HIVEP2: variants seen among roughly 807,000 people sequenced by gnomAD.
HIVEP2 encodes the protein transcription factor HIVEP2.
HIVEP2 carries 14 observed loss-of-function variants against 180.7 expected under a neutral mutation model. The observed-to-expected ratio is 0.08, with a 90% CI of 0.05 to 0.12. HIVEP2 has a LOEUF of 0.12. HIVEP2 is among the 10% of genes least tolerant of loss of function. The pLI, the probability that HIVEP2 is intolerant of heterozygous loss-of-function variation, is 1.00. For synonymous variants in HIVEP2, 1,184 were observed against 1,136.4 expected (o/e 1.04, Z -0.84); for missense variants, 2,579 against 3,008.5 (o/e 0.86, Z 3.34).
intron 9 of HIVEP2, among the ~76,000 whole-genome samples, chr6:142,755,489 A>C (rs1775042231): frequency 6.6e-6 from 1 of 152,220 alleles, no homozygotes; most frequent in Admixed American, 6.5e-5. Context: ...CACAGATTCA[A>C]AGTTTAAAAT....
chr6:142,912,642 C>T lies in HIVEP2; in HGVS notation c.-641+32457G>A, dbSNP rs147147006. Among the ~76,000 whole-genome samples, 13 of 152,356 alleles carry T rather than the reference C, an allele frequency of 8.5e-5. No individual in the cohort carries two copies. The East Asian group carries it at 2.3e-3, about 27-fold the overall frequency. The stretch of plus-strand genomic sequence containing the variant: ...GCCTGAGCTCCACCTCCTATCAGAG[C>T]AGCGGTAGCATTAGATTCTCATAGG... On this transcript the variant is annotated intron_variant, in intron 1 of 9. Coordinates refer to ENST00000367603, the MANE Select transcript of HIVEP2 (RefSeq NM_006734.4).
At chr6:142,842,821 A>C (rs956822073) in intron 1 of HIVEP2, among the ~76,000 whole-genome samples, 3 of 152,130 alleles carry the variant, frequency 2.0e-5, no homozygotes, top group African/African-American at 7.2e-5. Flanking sequence ...AGGCCATTTA[A>C]AGAGATATTA....
At chr6:142,849,998 C>T (rs1258846025) in intron 1 of HIVEP2, among the ~76,000 whole-genome samples, 1 of 152,164 alleles carries the variant, frequency 6.6e-6, no homozygotes, top group Non-Finnish European at 1.5e-5. Flanking sequence ...CAGAGTCAGA[C>T]ACAAATCAGG....
chr6:142,884,154 C>T (rs1776641400), intron 1 of HIVEP2, among the ~76,000 whole-genome samples: 1 of 152,058 alleles, frequency 6.6e-6, no homozygotes, highest in African/African-American at 2.4e-5. Context: ...TCCACTAGGG[C>T]TTTTTTATCC....
intron 1 of HIVEP2, among the ~76,000 whole-genome samples, chr6:142,846,389 TCTAA>T (rs1775517895): frequency 6.6e-6 from 1 of 152,200 alleles, no homozygotes; most frequent in South Asian, 2.1e-4. Flanking sequence ...GCGGCCACTG[TCTAA>T]CACAATACAG....
chr6:142,763,433 G>C (rs917511971), intron 7 of HIVEP2, among the ~76,000 whole-genome samples: 3 of 152,160 alleles, frequency 2.0e-5, no homozygotes, highest in African/African-American at 7.2e-5. Context: ...AAGATTCTGA[G>C]ACATTTGCAC....
Position 142,773,899 on chromosome 6 carries a change from G to T in HIVEP2, c.840C>A (p.Asp280Glu). The T allele has an allele frequency of 4.3e-6, 7 of 1,613,846 alleles. No individual in the cohort carries two copies. The highest frequency in any genetic ancestry group is 1.1e-5 in the South Asian group (1 of 91,086). ...CAAATAAAGAACTCTCCTCATCTGT[G>T]TCTGTACTCTGTTCACCATCTGAAT... is the stretch of plus-strand genomic sequence containing the variant. ...EIHSDGEQST[D>E]TDEESSLFAE... The change falls in exon 5 of 10, where the codon GAC (aspartate) becomes GAA (glutamate). Residue 280 changes from aspartate (D) to glutamate (E), a missense_variant. Physicochemically the swap from Asp to Glu is conservative, Grantham distance 45 (BLOSUM62 2). Coordinates refer to ENST00000367603, the MANE Select transcript of HIVEP2 (RefSeq NM_006734.4).
chr6:142,907,919 T>C (rs1480016073), intron 1 of HIVEP2, among the ~76,000 whole-genome samples: 1 of 152,226 alleles, frequency 6.6e-6, no homozygotes, highest in Non-Finnish European at 1.5e-5. Flanking sequence ...ATCTTTCATC[T>C]TCTGAAATTT....
At chr6:142,860,700 A>G (rs1443748598) in intron 1 of HIVEP2, among the ~76,000 whole-genome samples, 1 of 152,166 alleles carries the variant, frequency 6.6e-6, no homozygotes. Context: ...CACTGCTGAT[A>G]TGACAGGAGG....
chr6:142,772,415 T>G lies in HIVEP2; in HGVS notation c.2324A>C (p.Glu775Ala), dbSNP rs1775571941. The G allele has an allele frequency of 6.2e-7, 1 of 1,614,232 alleles. No individual in the cohort carries two copies. Among genetic ancestry groups the G allele is most frequent in the African/African-American group, 1.3e-5 (1 of 75,060 alleles). ...TGAATCAATGGCTGAAGGTGACTCC[T>G]CTGACACAAGAGATGGACTTCCAGG... is the stretch of plus-strand genomic sequence containing the variant. ...LQPGSPSLVS[E>A]ESPSAIDSDK... The change falls in exon 5 of 10, where the codon GAG becomes GCG. Residue 775 changes from glutamate to alanine, a missense_variant. Coordinates refer to ENST00000367603, the MANE Select transcript of HIVEP2 (RefSeq NM_006734.4). The surrounding 1 kb of genome is among the most constrained non-coding windows in gnomAD (Gnocchi z 4.9).
chr6:142,769,606 A>G lies in HIVEP2; in HGVS notation c.5133T>C (p.His1711=). ...ATGTAAGCTTGCCGGTTCCAGGCCT[A>G]TGCATAGCAGCCAGAGTATAAATTT... ...TAEIYTLAAM[H]RPGTGKLTSS... is the part of the protein sequence containing the mutation. Residue 1711 remains histidine (H), a synonymous_variant, in exon 5 of 10, where the codon CAT becomes CAC. Coordinates refer to ENST00000367603, the MANE Select transcript of HIVEP2 (RefSeq NM_006734.4). The G allele has an allele frequency of 6.2e-7, 1 of 1,614,214 alleles. No individual in the cohort carries two copies. Among genetic ancestry groups the G allele is most frequent in the Non-Finnish European group, 8.5e-7 (1 of 1,180,028 alleles).
chr6:142,915,063 A>G (rs369341757), intron 1 of HIVEP2, among the ~76,000 whole-genome samples: 1 of 152,098 alleles, frequency 6.6e-6, no homozygotes, highest in Non-Finnish European at 1.5e-5. Flanking sequence ...TTTGAACCTC[A>G]CTGGACACAA....
intron 1 of HIVEP2, among the ~76,000 whole-genome samples, chr6:142,875,176 G>A (rs886212079): frequency 4.6e-5 from 7 of 152,196 alleles, no homozygotes; most frequent in African/African-American, 1.7e-4. Flanking sequence ...GGACATTTGA[G>A]TTGAGACTTG....
chr6:142,936,557 TA>T (rs1225738283), intron 1 of HIVEP2, among the ~76,000 whole-genome samples: 1 of 152,092 alleles, frequency 6.6e-6, no homozygotes, highest in Non-Finnish European at 1.5e-5. Context: ...AATGAATTTT[TA>T]AAAAATCTAG....
intron 2 of HIVEP2, among the ~76,000 whole-genome samples, chr6:142,785,820 T>G (rs916205558): frequency 6.6e-6 from 1 of 152,226 alleles, no homozygotes; most frequent in Non-Finnish European, 1.5e-5. Flanking sequence ...GCATCACTCA[T>G]GACCTTTTAA....
intron 1 of HIVEP2, among the ~76,000 whole-genome samples, chr6:142,857,524 G>C (rs2114943511): frequency 6.6e-6 from 1 of 152,350 alleles, no homozygotes. Context: ...ACAGACGGCT[G>C]CATCATGAGC....
At chr6:142,878,681 C>T (rs1341363052) in intron 1 of HIVEP2, among the ~76,000 whole-genome samples, 2 of 152,094 alleles carry the variant, frequency 1.3e-5, no homozygotes, top group Non-Finnish European at 2.9e-5. Context: ...AGGCTTTTCC[C>T]AATCTAAGGG....
intron 2 of HIVEP2, chr6:142,793,867 A>G (rs1380650843): frequency 6.6e-6 from 1 of 151,878 alleles, no homozygotes; most frequent in Non-Finnish European, 1.5e-5. Context: ...GGGTTTTGCC[A>G]TGTTGCCCAA....
chr6:142,761,473 C>T lies in HIVEP2; in HGVS notation c.5611G>A (p.Glu1871Lys). Residue 1871 changes from glutamate (E) to lysine (K), a missense_variant, in exon 8 of 10, where the codon GAG becomes AAG. Transcript: ENST00000367603. ...TTTATGACATACACACCTGCTTCCT[C>T]AGTTTCTGTATCATCCACCGATGTC... Reference protein sequence around the residue: ...SMTSVDDTETEEAENLEDLHK... With the variant: ...SMTSVDDTETKEAENLEDLHK... The T allele has an allele frequency of 6.4e-7, 1 of 1,574,578 alleles. No homozygotes were observed. Among genetic ancestry groups the T allele is most frequent in the Non-Finnish European group, 8.7e-7 (1 of 1,144,070 alleles).
Sources: allele counts gnomAD v4.1 joint callset (sites outside exome capture counted in the v4.1 genomes callset), GRCh38; gene constraint gnomAD v4.1.1; non-coding constraint Gnocchi (gnomAD v3.1); transcripts MANE v1.5; gene names NCBI Gene and HGNC (gene_info 2026-07-23, HGNC 2026-07-21).